Variants in SH3TC1 observed in about 807,000 individuals in gnomAD.
SH3TC1 encodes the protein SH3 domain and tetratricopeptide repeat-containing protein 1.
In SH3TC1, 135 loss-of-function variants were observed where a neutral mutation model predicts 117.3. The observed-to-expected ratio is 1.15, with a 90% CI of 1.00 to 1.33. SH3TC1 has a LOEUF of 1.33. Among genes scored for constraint, SH3TC1 ranks in the 40% most tolerant of loss-of-function variants. The probability of loss-of-function intolerance (pLI) is 0.00; values close to 1 mark genes in which losing one functional copy is unlikely to be tolerated. For synonymous variants in SH3TC1, 898 were observed against 816.9 expected, an observed-to-expected ratio of 1.10 and a Z score of -1.69; for missense variants, 2,092 against 1,794.3, an observed-to-expected ratio of 1.17 and a Z score of -3.00.
intron 16 of SH3TC1, 164 bp from the exon 17 acceptor site, chr4:8,237,310 G>T (rs1721906315): frequency 3.4e-6 from 2 of 595,212 alleles, no homozygotes; most frequent in Non-Finnish European, 2.8e-6. Flanking sequence ...GGCCTTATTA[G>T]TTCTGCTTTG....
At chr4:8,223,849 G>A (rs2100995) in intron 10 of SH3TC1, among the ~76,000 whole-genome samples, 102,725 of 151,966 alleles carry the variant, frequency 0.68, 35,211 homozygotes, top group East Asian at 0.82. Flanking sequence ...TGGCCAGGCT[G>A]TTCTCGAACT....
intron 5 of SH3TC1, 56 bp from the exon 6 acceptor site, chr4:8,216,055 C>G: frequency 6.3e-7 from 1 of 1,596,376 alleles, no homozygotes; most frequent in Non-Finnish European, 8.5e-7. Context: ...CACAGGCTTC[C>G]CTGCCTCCCT....
intron 1 of SH3TC1, among the ~76,000 whole-genome samples, chr4:8,188,669 T>C (rs1717304445): frequency 6.6e-6 from 1 of 152,138 alleles, no homozygotes; most frequent in Admixed American, 6.5e-5. Flanking sequence ...GATATATCCA[T>C]CCTGCAGCAA....
At position 8,240,927 on chromosome 4, in the gene SH3TC1, C is replaced by G. The variant is rs1396355459; in HGVS notation, c.3983C>G (p.Pro1328Arg). Reference sequence around the variant, plus strand: ...CCTCTGCCACTCTGCGGGTGGGCCCCCTGGTTGGCCCCCAGCCACCCTCGC... The same window carrying G: ...CCTCTGCCACTCTGCGGGTGGGCCCGCTGGTTGGCCCCCAGCCACCCTCGC... ...LPPLPLCGWA[P>R]WLAPSHPR The change falls in exon 18 of 18, where the codon CCC (proline) becomes CGC (arginine). Residue 1328 changes from proline to arginine, a missense_variant. Coordinates refer to ENST00000245105, the MANE Select transcript of SH3TC1 (RefSeq NM_018986.5). 2 of 1,611,824 alleles carry G rather than the reference C, an allele frequency of 1.2e-6. No individual in the cohort carries two copies. The highest frequency in any genetic ancestry group is 1.7e-6 in the Non-Finnish European group (2 of 1,179,980).
chr4:8,193,897 T>C (rs1717485260), intron 1 of SH3TC1, among the ~76,000 whole-genome samples: 1 of 152,224 alleles, frequency 6.6e-6, no homozygotes, highest in Admixed American at 6.5e-5. Context: ...TGCAGAGAAC[T>C]GAAGATGCTC....
Position 8,237,667 on chromosome 4 carries a change from G to C in SH3TC1, c.3750G>C (p.Leu1250=). 6.3e-7 allele frequency: 1 copy of C among 1,597,018 alleles called. No individual in the cohort carries two copies. The highest frequency in any genetic ancestry group is 1.1e-5 in the South Asian group (1 of 89,096). The change falls in exon 17 of 18, where the codon CTG becomes CTC. Residue 1250 remains leucine (L), a synonymous_variant. Transcript: ENST00000245105. The part of the protein sequence containing the change: ...LVLGDIIFYD[L]KDPFDAAGYY... The stretch of plus-strand genomic sequence containing the variant: ...TCGGTGACATCATCTTCTACGACCT[G>C]AAGGTGGGTGGGGAGGGGCTGGGCT...
At chr4:8,216,840 G>T (rs913902160) in intron 6 of SH3TC1, 117 bp from the exon 7 acceptor site, 35 of 1,022,868 alleles carry the variant, frequency 3.4e-5, no homozygotes, top group Non-Finnish European at 5.0e-5. Context: ...TGCAGACACT[G>T]GGGGGGCCGC....
In SH3TC1 at chr4:8,227,320, C is replaced by T; in HGVS notation, c.1626C>T (p.Arg542=). Residue 542 remains arginine (R), a synonymous_variant, in exon 12 of 18, where the codon CGC becomes CGT. Coordinates refer to ENST00000245105, the MANE Select transcript of SH3TC1 (RefSeq NM_018986.5). ...GCGACGAGGAGGAGCTGACTGGGCG[C>T]CTGGCACAGGCCCGGGGGGCGGCCA... ...SFSDEEELTG[R]LAQARGAAKK... 1 of 1,610,182 alleles carries T rather than the reference C, an allele frequency of 6.2e-7. No homozygotes were observed. Among genetic ancestry groups the T allele is most frequent in the Non-Finnish European group, 8.5e-7 (1 of 1,178,892 alleles).
At chr4:8,212,278 G>C (rs1712286) in intron 3 of SH3TC1, among the ~76,000 whole-genome samples, 2 of 151,624 alleles carry the variant, frequency 1.3e-5, no homozygotes. Context: ...GCGTGGAGGA[G>C]GAGCTTGCTA....
intron 17 of SH3TC1, among the ~76,000 whole-genome samples, chr4:8,239,115 C>T (rs1578761640): frequency 1.3e-5 from 2 of 152,324 alleles, no homozygotes; most frequent in Admixed American, 1.3e-4. Flanking sequence ...AAAATGGGGT[C>T]CCCTTTAGTC....
In SH3TC1 at chr4:8,228,326, C is replaced by T. The variant is rs116515695; in HGVS notation, c.2632C>T (p.Arg878Trp). 9.8e-3 allele frequency: 15,759 copies of T among 1,612,020 alleles called. 103 individuals are homozygous for T. Among genetic ancestry groups the T allele is most frequent in the Middle Eastern group, 0.016 (96 of 6,048 alleles). The change falls in exon 12 of 18, where the codon CGG becomes TGG. Residue 878 changes from arginine to tryptophan, a missense_variant. Arg to Trp is a moderately radical substitution (Grantham distance 101, BLOSUM62 -3). Transcript: ENST00000245105. ...GGCCGTGGCTCTGAAGAGGACGGGC[C>T]GGACGAGGCAGGCAGCTGAGAGCTA... ...MVAVALKRTGRTRQAAESYYR... is the reference protein window; with the variant it reads ...MVAVALKRTGWTRQAAESYYR...
chr4:8,226,122 G>A (rs1312857964), intron 11 of SH3TC1, among the ~76,000 whole-genome samples: 1 of 152,168 alleles, frequency 6.6e-6, no homozygotes, highest in Non-Finnish European at 1.5e-5. Context: ...TTTTTTACAT[G>A]TGAGCTTGAA....
intron 17 of SH3TC1, among the ~76,000 whole-genome samples, chr4:8,239,301 G>A (rs1722105309): frequency 7.3e-6 from 1 of 136,146 alleles, no homozygotes; most frequent in African/African-American, 2.8e-5. Flanking sequence ...GCACACATGA[G>A]CACACACAGG....
chr4:8,185,234 G>T (rs1417188809), intron 1 of SH3TC1, among the ~76,000 whole-genome samples: 1 of 151,914 alleles, frequency 6.6e-6, no homozygotes, highest in African/African-American at 2.4e-5. Context: ...TACTCAGGAG[G>T]CTGAAGCAGG....
intron 5 of SH3TC1, 103 bp downstream of exon 5, chr4:8,214,683 T>C: frequency 1.1e-6 from 1 of 891,122 alleles, no homozygotes; most frequent in East Asian, 2.6e-5. Context: ...TGTTTATTTA[T>C]TTATTGATGT....
chr4:8,228,749 G>C lies in SH3TC1; in HGVS notation c.2950+105G>C. ...AGCGGTGGTTTTTCCACCATCGAAA[G>C]TGCTGAGTCATGGCAAACAGCAGAT... On this transcript the variant is annotated intron_variant, in intron 12 of 17. Coordinates refer to ENST00000245105, the MANE Select transcript of SH3TC1 (RefSeq NM_018986.5). 6 of 1,012,704 alleles carry C rather than the reference G, an allele frequency of 5.9e-6. No homozygotes were observed. In the South Asian group the frequency reaches 1.1e-4, roughly 18 times the overall value. The allele number at this position is 1,012,704 out of a possible 1,614,324, so 62.7% of individuals were successfully genotyped here. A position where few individuals can be genotyped will look rare whatever the true frequency, so the allele number is the denominator to read the frequency against.
In SH3TC1 at chr4:8,205,100, C is replaced by A. The variant is rs1207398567; in HGVS notation, c.-28-67C>A. 14 of 1,339,088 alleles carry A rather than the reference C, an allele frequency of 1.0e-5. No individual in the cohort carries two copies. Among genetic ancestry groups the A allele is most frequent in the East Asian group, 7.7e-5 (3 of 38,742 alleles). 83.0% of individuals were successfully genotyped at this position (1,339,088 alleles called of 1,614,324 possible). On this transcript the variant is annotated intron_variant, in intron 1 of 17. Transcript: ENST00000245105. The surrounding 1 kb of genome is among the most constrained non-coding windows in gnomAD (Gnocchi z 5.4). ...GGTGTTCTCTTTCTGGACCCCAGGC[C>A]TGGACACAACCTCCGTGCTGGTTCT... is the stretch of plus-strand genomic sequence containing the variant.
chr4:8,223,202 A>C (rs1720116091), intron 10 of SH3TC1, among the ~76,000 whole-genome samples: 1 of 152,248 alleles, frequency 6.6e-6, no homozygotes, highest in Non-Finnish European at 1.5e-5. Flanking sequence ...TCCTGTGGGC[A>C]CCAGGGAAGC....
rs545724448 is a variant in SH3TC1 at position 8,225,283 on chromosome 4, G to C, written c.1285+67G>C. On this transcript the variant is annotated intron_variant, in intron 11 of 17. Coordinates refer to ENST00000245105, the MANE Select transcript of SH3TC1 (RefSeq NM_018986.5). The surrounding 1 kb of genome is among the most constrained non-coding windows in gnomAD (Gnocchi z 5.5). The stretch of plus-strand genomic sequence containing the variant: ...TGGGCCTTGGGGTAACGCTGGGGGA[G>C]GTGACAAAGCTGAGCACGGTGGGCA... The C allele has an allele frequency of 1.7e-5, 27 of 1,551,800 alleles. No individual in the cohort carries two copies. In the African/African-American group the frequency reaches 3.0e-4, roughly 17 times the overall value.
Sources: gnomAD v4.1 joint callset for allele counts (sites outside exome capture counted in the v4.1 genomes callset) on GRCh38, gnomAD v4.1.1 for gene constraint, Gnocchi (gnomAD v3.1) non-coding constraint, MANE v1.5 for transcripts, NCBI Gene and HGNC (gene_info 2026-07-23, HGNC 2026-07-21) for gene names.